PCDHA3: variants seen among roughly 807,000 people sequenced by gnomAD.
The protein encoded by PCDHA3 is protocadherin alpha 3.
A neutral mutation model predicts 62.2 loss-of-function variants in PCDHA3; 41 were observed. The ratio of observed to expected loss-of-function variants is 0.66; its 90% CI spans 0.51 to 0.86. PCDHA3 has a LOEUF of 0.86. PCDHA3 is among the 40% of genes least tolerant of loss of function. The pLI is 0.00. For missense variants in PCDHA3, 1,304 were observed against 1,241.2 expected (o/e 1.05, Z -0.76); for synonymous variants, 640 against 555.4 (o/e 1.15, Z -2.14).
At chr5:140,896,346 G>A (rs1466880160) in intron 1 of PCDHA3, among the ~76,000 whole-genome samples, 17 of 151,992 alleles carry the variant, frequency 1.1e-4, no homozygotes, top group African/African-American at 3.4e-4. Flanking sequence ...TTATATTCCC[G>A]CCAGCAGTGT....
chr5:140,862,720 G>T (rs558152493), intron 1 of PCDHA3: 18 of 566,048 alleles, frequency 3.2e-5, no homozygotes, highest in Non-Finnish European at 6.2e-5. Flanking sequence ...GGGCGAGTGC[G>T]CGCTGTCTAG....
intron 3 of PCDHA3, 22 bp downstream of exon 3, chr5:140,982,585 ATTCT>A: frequency 6.2e-7 from 1 of 1,611,974 alleles, no homozygotes; most frequent in Non-Finnish European, 8.5e-7. Flanking sequence ...GGGTCTCTCC[ATTCT>A]TTCTTGGTTT....
At chr5:140,835,739 C>T (rs185499663) in intron 1 of PCDHA3, 6 of 1,613,584 alleles carry the variant, frequency 3.7e-6, no homozygotes, top group East Asian at 4.5e-5. Context: ...ACGACAACGC[C>T]CCGGCGTTCG....
chr5:141,008,641 T>G (rs569373015), intron 3 of PCDHA3, among the ~76,000 whole-genome samples: 1 of 152,344 alleles, frequency 6.6e-6, no homozygotes, highest in Admixed American at 6.5e-5. Context: ...TAACAATTTC[T>G]TCTTCTGGAG....
rs781938191 is a variant in PCDHA3 at position 140,871,499 on chromosome 5, GT to G, written c.2394+67912del. 14 of 1,584,318 alleles carry G rather than the reference GT, an allele frequency of 8.8e-6. No individual in the cohort carries two copies. In the East Asian group the frequency reaches 2.7e-4, roughly 31 times the overall value. On this transcript the variant is annotated intron_variant, in intron 1 of 3. Coordinates refer to ENST00000522353, the MANE Select transcript of PCDHA3 (RefSeq NM_018906.3). ...GGGTCAAATCACCCCGGACAGGTGAGTTTTCTACAGATTCCACCTATCAGGA... is the reference window on the plus strand; with the variant it reads ...GGGTCAAATCACCCCGGACAGGTGAGTTTCTACAGATTCCACCTATCAGGA...
Position 140,842,826 on chromosome 5 carries a change from G to T in PCDHA3, c.2394+39235G>T, listed in dbSNP as rs782132633. On this transcript the variant is annotated intron_variant, in intron 1 of 3. Coordinates refer to ENST00000522353, the MANE Select transcript of PCDHA3 (RefSeq NM_018906.3). ...CTTGTGGAGCGGCGGGTGGGCGAGC[G>T]CTCGCTGTCGAGCTACATTTCGGTG... 3.8e-6 allele frequency: 6 copies of T among 1,593,690 alleles called. 1 individual carries two copies. The highest frequency in any genetic ancestry group is 5.1e-6 in the Non-Finnish European group (6 of 1,165,318).
intron 1 of PCDHA3, chr5:140,855,966 T>C (rs1554148056): frequency 7.0e-7 from 1 of 1,422,664 alleles, no homozygotes; most frequent in South Asian, 1.4e-5. Flanking sequence ...AAAATAGATA[T>C]AAGAAATAGG....
At chr5:140,915,581 A>G (rs1563006188) in intron 1 of PCDHA3, among the ~76,000 whole-genome samples, 1 of 151,994 alleles carries the variant, frequency 6.6e-6, no homozygotes, top group Non-Finnish European at 1.5e-5. Flanking sequence ...GCCAGGCAAA[A>G]GCACTTGTTC....
At chr5:140,991,167 G>T (rs186627829) in intron 3 of PCDHA3, among the ~76,000 whole-genome samples, 2 of 152,270 alleles carry the variant, frequency 1.3e-5, no homozygotes, top group Non-Finnish European at 2.9e-5. Flanking sequence ...TATTCCCATT[G>T]TCAAGCAGGA....
At chr5:140,884,621 G>C (rs116377419) in intron 1 of PCDHA3, 2 of 1,613,996 alleles carry the variant, frequency 1.2e-6, no homozygotes, top group South Asian at 2.2e-5. Context: ...TTCTGCAGAG[G>C]GAACAGGCCA....
intron 1 of PCDHA3, among the ~76,000 whole-genome samples, chr5:140,937,273 G>A (rs1165421382): frequency 1.3e-5 from 2 of 151,966 alleles, no homozygotes; most frequent in African/African-American, 2.4e-5. Context: ...TCCTGACCTC[G>A]TGATTCACCC....
chr5:140,835,617 G>C (rs2150239590), intron 1 of PCDHA3: 5 of 1,613,774 alleles, frequency 3.1e-6, no homozygotes, highest in Non-Finnish European at 2.5e-6. Context: ...GCTGGACAGC[G>C]CTCTGGACCG....
At chr5:140,841,904 GT>G (rs1777577070) in intron 1 of PCDHA3, 1 of 1,613,860 alleles carries the variant, frequency 6.2e-7, no homozygotes, top group East Asian at 2.2e-5. Flanking sequence ...GGTTGAGCTC[GT>G]ATTAAGAAAA....
At chr5:140,824,610 G>GTGTTTTTTTTT (rs1768191919) in intron 1 of PCDHA3, 1 of 95,104 alleles carries the variant, frequency 1.1e-5, no homozygotes, top group African/African-American at 4.9e-5. Context: ...GCTAATTAAA[G>GTGTTTTTTTTT]TTTTTTTTTT....
chr5:140,870,319 T>A, intron 1 of PCDHA3: 1 of 1,614,162 alleles, frequency 6.2e-7, no homozygotes, highest in Non-Finnish European at 8.5e-7. Context: ...TTACTACTCG[T>A]TGGTGCTGGA....
chr5:140,907,252 A>C (rs1459023391), intron 1 of PCDHA3, among the ~76,000 whole-genome samples: 3 of 152,152 alleles, frequency 2.0e-5, no homozygotes, highest in African/African-American at 7.2e-5. Flanking sequence ...TGTAATTGTG[A>C]CTTCAAAAGG....
At position 140,850,416 on chromosome 5, in the gene PCDHA3, G is replaced by A. The variant is rs2150483366; in HGVS notation, c.2394+46825G>A. 14 of 1,598,000 alleles carry A rather than the reference G, an allele frequency of 8.8e-6. 2 individuals are homozygous for A. In the Admixed American group the frequency reaches 2.0e-4, roughly 23 times the overall value. Reference sequence around the variant, plus strand: ...CACAACGCGTGCCCTGGACGAAACGGACGCACCGCGCCAGCGCCTACTGGT... The same window carrying A: ...CACAACGCGTGCCCTGGACGAAACGAACGCACCGCGCCAGCGCCTACTGGT... On this transcript the variant is annotated intron_variant, in intron 1 of 3. Transcript: ENST00000522353.
chr5:140,824,240 TG>T (rs2150133455), intron 1 of PCDHA3: 160 of 1,495,102 alleles, frequency 1.1e-4, no homozygotes, highest in Middle Eastern at 6.9e-4. Flanking sequence ...ACAAATATTG[TG>T]GTACACAATT....
At chr5:140,855,178 G>C (rs1170062889) in intron 1 of PCDHA3, among the ~76,000 whole-genome samples, 2 of 149,594 alleles carry the variant, frequency 1.3e-5, no homozygotes, top group African/African-American at 4.9e-5. Flanking sequence ...AAACAAATGT[G>C]GCCAAATTGA....
Sources: allele counts gnomAD v4.1 joint callset (sites outside exome capture counted in the v4.1 genomes callset), GRCh38; gene constraint gnomAD v4.1.1; transcripts MANE v1.5; gene names NCBI Gene and HGNC (gene_info 2026-07-23, HGNC 2026-07-21).